The following CASR variants were observed in gnomAD, a reference collection of about 807,000 sequenced individuals.
CASR encodes calcium sensing receptor, also known as extracellular calcium-sensing receptor.
CASR carries 23 observed loss-of-function variants against 69.1 expected under a neutral mutation model. That is an observed-to-expected ratio of 0.33 (90% CI 0.24 to 0.47). The LOEUF is 0.47. Ranked by LOEUF, CASR falls within the 20% of genes least tolerant of loss-of-function variation. The pLI, the probability that CASR is intolerant of heterozygous loss-of-function variation, is 1.00. For missense variants in CASR, 924 were observed against 1,356.1 expected, an observed-to-expected ratio of 0.68 and a Z score of 5.00; for synonymous variants, 541 against 544.7, an observed-to-expected ratio of 0.99 and a Z score of 0.10.
At position 122,276,030 on chromosome 3, in the gene CASR, G is replaced by A. The variant is rs774666667; in HGVS notation, c.1596G>A (p.Gly532=). The part of the protein sequence containing the change: ...FINEEKILWS[G]FSREVPFSNC... ...ACGAGGAGAAAATCCTGTGGAGTGG[G>A]TTCTCCAGGGAGGTAGGTGCTGTCC... The change falls in exon 5 of 7, where the codon GGG becomes GGA. Residue 532 remains glycine (G), a synonymous_variant. Transcript: ENST00000639785. The A allele has an allele frequency of 6.2e-7, 1 of 1,605,858 alleles. No homozygotes were observed. Among genetic ancestry groups the A allele is most frequent in the African/African-American group, 1.3e-5 (1 of 74,888 alleles).
intron 1 of CASR, among the ~76,000 whole-genome samples, chr3:122,248,915 C>T (rs769517737): frequency 4.4e-4 from 67 of 152,296 alleles, no homozygotes; most frequent in African/African-American, 1.5e-3. Context: ...CACGTAGCTA[C>T]TCTTTGGACA....
chr3:122,235,435 C>T (rs2074319979), intron 1 of CASR, among the ~76,000 whole-genome samples: 1 of 152,182 alleles, frequency 6.6e-6, no homozygotes, highest in Non-Finnish European at 1.5e-5. Flanking sequence ...ACTGTGCTTT[C>T]CTGGAATACT....
chr3:122,209,463 G>C (rs1272150844), intron 1 of CASR, among the ~76,000 whole-genome samples: 1 of 152,190 alleles, frequency 6.6e-6, no homozygotes, highest in African/African-American at 2.4e-5. Flanking sequence ...TCACAATCAT[G>C]GCAAAAGGCA....
chr3:122,256,402 A>C (rs2074554823), intron 2 of CASR, among the ~76,000 whole-genome samples: 1 of 152,226 alleles, frequency 6.6e-6, no homozygotes, highest in South Asian at 2.1e-4. Flanking sequence ...TAAGTACCTC[A>C]TATCAGCTAC....
intron 1 of CASR, among the ~76,000 whole-genome samples, chr3:122,220,354 C>T (rs188795846): frequency 5.1e-4 from 78 of 152,310 alleles, no homozygotes; most frequent in African/African-American, 1.9e-3. Context: ...TTTATCCCAA[C>T]AATAAGCGAA....
At position 122,201,477 on chromosome 3, in the gene CASR, G is replaced by A. The variant is rs544565311; in HGVS notation, c.-243+17665G>A. On this transcript the variant is annotated intron_variant, in intron 1 of 6. Transcript: ENST00000639785. The stretch of plus-strand genomic sequence containing the variant: ...TCCCCCTTTTCTATTCCACAAAACT[G>A]CCATTGTCATCATGGCCTGCTCTCA... 6.6e-5 allele frequency among the ~76,000 whole-genome samples: 10 copies of A among 152,122 alleles called. No homozygotes were observed. In the South Asian group the frequency reaches 1.9e-3, roughly 28 times the overall value.
intron 2 of CASR, among the ~76,000 whole-genome samples, chr3:122,255,118 C>T (rs942485099): frequency 4.6e-5 from 7 of 152,126 alleles, no homozygotes; most frequent in African/African-American, 1.2e-4. Flanking sequence ...TTTCCAGACC[C>T]GTCATCATCC....
chr3:122,274,976 C>G (rs1263527265), intron 4 of CASR, among the ~76,000 whole-genome samples: 1 of 152,150 alleles, frequency 6.6e-6, no homozygotes, highest in African/African-American at 2.4e-5. Flanking sequence ...CAGTAGAGTA[C>G]AGCAATTAAG....
chr3:122,243,912 T>A (rs950338095), intron 1 of CASR, among the ~76,000 whole-genome samples: 3 of 152,024 alleles, frequency 2.0e-5, no homozygotes, highest in Admixed American at 1.3e-4. Context: ...TTATGTTAAG[T>A]GAAGTAAGCC....
chr3:122,260,493 C>T (rs1379953970), intron 3 of CASR, among the ~76,000 whole-genome samples: 2 of 152,206 alleles, frequency 1.3e-5, no homozygotes, highest in East Asian at 3.8e-4. Flanking sequence ...GTCAAGCAGG[C>T]TCAGCCATCA....
intron 1 of CASR, among the ~76,000 whole-genome samples, chr3:122,241,780 A>G (rs866678912): frequency 6.6e-6 from 1 of 152,148 alleles, no homozygotes; most frequent in Non-Finnish European, 1.5e-5. Flanking sequence ...AAAATCCTTT[A>G]AAAAATACTG....
chr3:122,283,555 T>A, intron 6 of CASR, 132 bp from the exon 7 acceptor site: 1 of 738,210 alleles, frequency 1.4e-6, no homozygotes, highest in Non-Finnish European at 2.4e-6. Flanking sequence ...AAAATCAGAA[T>A]GATTTCATCA....
chr3:122,260,689 T>TA (rs71136558), intron 3 of CASR, among the ~76,000 whole-genome samples: 14,505 of 147,550 alleles, frequency 0.098, 1,377 homozygotes, highest in East Asian at 0.51. Context: ...TAAAGTATAA[T>TA]AAAAAAAAAA....
At chr3:122,195,021 T>TC (rs3048652) in intron 1 of CASR, among the ~76,000 whole-genome samples, 1 of 150,548 alleles carries the variant, frequency 6.6e-6, no homozygotes, top group African/African-American at 2.4e-5. Context: ...CTCCTCCTCC[T>TC]TTTTCCTCCT....
At chr3:122,273,657 C>T (rs1327148025) in intron 4 of CASR, among the ~76,000 whole-genome samples, 1 of 152,176 alleles carries the variant, frequency 6.6e-6, no homozygotes, top group Non-Finnish European at 1.5e-5. Flanking sequence ...AAGCACATTT[C>T]ATCTGAGTCA....
chr3:122,270,250 C>T (rs1340501114), intron 4 of CASR, among the ~76,000 whole-genome samples: 2 of 152,170 alleles, frequency 1.3e-5, no homozygotes, highest in Non-Finnish European at 2.9e-5. Flanking sequence ...TTGTCCACAT[C>T]GTCTAATTTG....
chr3:122,254,461 C>T lies in CASR; in HGVS notation c.185+87C>T, dbSNP rs889629885. 5 of 1,328,756 alleles carry T rather than the reference C, an allele frequency of 3.8e-6. No homozygotes were observed. The East Asian group carries it at 9.3e-5, about 25-fold the overall frequency. 82.3% of individuals were successfully genotyped at this position (1,328,756 alleles called of 1,614,324 possible). ...CCAAACGCAAAATAATTTTTTCAAA[C>T]TTTGTCCTATCTTTTCAAGAATAGT... On this transcript the variant is annotated intron_variant, in intron 2 of 6. Coordinates refer to ENST00000639785, the MANE Select transcript of CASR (RefSeq NM_000388.4).
intron 1 of CASR, among the ~76,000 whole-genome samples, chr3:122,202,622 G>A (rs956404532): frequency 3.3e-5 from 5 of 151,986 alleles, no homozygotes; most frequent in African/African-American, 1.2e-4. Flanking sequence ...CCAATTTGTG[G>A]CTTATTTCAC....
intron 3 of CASR, among the ~76,000 whole-genome samples, chr3:122,260,633 T>A (rs2074608760): frequency 6.6e-6 from 1 of 151,550 alleles, no homozygotes; most frequent in Admixed American, 6.6e-5. Flanking sequence ...GGCACATGTA[T>A]ACATATGTAA....
Sources: gnomAD v4.1 joint callset for allele counts (sites outside exome capture counted in the v4.1 genomes callset) on GRCh38, gnomAD v4.1.1 for gene constraint, MANE v1.5 for transcripts, NCBI Gene and HGNC (gene_info 2026-07-23, HGNC 2026-07-21) for gene names.